DPP6: variants seen among roughly 807,000 people sequenced by gnomAD.
DPP6 encodes dipeptidyl peptidase like 6, also known as A-type potassium channel modulatory protein DPP6.
DPP6 carries 69 observed loss-of-function variants against 122.6 expected under a neutral mutation model. The ratio of observed to expected loss-of-function variants is 0.56; its 90% confidence interval spans 0.46 to 0.69. DPP6 has a LOEUF of 0.69. Ranked by LOEUF, DPP6 falls within the 30% of genes least tolerant of loss-of-function variation. The pLI is 0.00. For synonymous variants in DPP6, 418 were observed against 433.1 expected (o/e 0.97, Z 0.43); for missense variants, 928 against 1,116.9 (o/e 0.83, Z 2.41).
chr7:154,472,645 C>T (rs1822380476), intron 2 of DPP6, among the ~76,000 whole-genome samples: 1 of 152,176 alleles, frequency 6.6e-6, no homozygotes, highest in African/African-American at 2.4e-5. Context: ...TGGCAGTCTC[C>T]TGTGCCTGTC....
At chr7:154,471,742 A>G (rs1339126188) in intron 2 of DPP6, among the ~76,000 whole-genome samples, 4 of 152,180 alleles carry the variant, frequency 2.6e-5, no homozygotes, top group African/African-American at 9.7e-5. Context: ...ACACACATGA[A>G]AACCAAAATC....
chr7:153,774,591 A>G, the DPP6 span, among the ~76,000 whole-genome samples: 2 of 152,196 alleles, frequency 1.3e-5, no homozygotes, highest in Admixed American at 6.5e-5. Context: ...AATTAAATAC[A>G]TTGAAGGAAT....
the DPP6 span, among the ~76,000 whole-genome samples, chr7:153,803,037 T>A: frequency 6.6e-6 from 1 of 151,138 alleles, no homozygotes; most frequent in African/African-American, 2.4e-5. Flanking sequence ...TCCACGTCTG[T>A]GAGAGCATGG....
At position 154,034,099 on chromosome 7, in the gene DPP6, T is replaced by A. The variant is rs1386863711; in HGVS notation, c.51+146365T>A. On this transcript the variant is annotated intron_variant, in intron 1 of 25. Coordinates refer to the DPP6 transcript ENST00000404039. ...CACAGCTGTATCAATTTATGGCTTA[T>A]TAAGTGTAGGGCCAACTAAATAACA... is the stretch of plus-strand genomic sequence containing the variant. Among the ~76,000 whole-genome samples, 3 of 152,228 alleles carry A rather than the reference T, an allele frequency of 2.0e-5. No individual in the cohort carries two copies. In the East Asian group the frequency reaches 5.8e-4, roughly 29 times the overall value.
At chr7:154,462,068 C>T (rs1164698518) in intron 2 of DPP6, among the ~76,000 whole-genome samples, 1 of 152,058 alleles carries the variant, frequency 6.6e-6, no homozygotes, top group Admixed American at 6.6e-5. Flanking sequence ...TAGTTTTATT[C>T]TCCTGCATAT....
At chr7:153,848,297 G>C in the DPP6 span, among the ~76,000 whole-genome samples, 38 of 135,734 alleles carry the variant, frequency 2.8e-4, no homozygotes, top group Admixed American at 1.5e-3. Flanking sequence ...CTCCCCGAGA[G>C]AGCAGTCCTG....
chr7:153,824,385 T>TAAAAAAAAAAAA, the DPP6 span, among the ~76,000 whole-genome samples: 1 of 15,706 alleles, frequency 6.4e-5, no homozygotes, highest in Non-Finnish European at 1.1e-4. Flanking sequence ...AGAGTCTGTC[T>TAAAAAAAAAAAA]CAAAAAAAAA....
intron 1 of DPP6, among the ~76,000 whole-genome samples, chr7:154,096,496 A>G (rs1805330689): frequency 6.8e-6 from 1 of 146,048 alleles, no homozygotes; most frequent in African/African-American, 2.5e-5. Context: ...TAGTGTGCAT[A>G]AGGTGCTATT....
chr7:154,892,322 C>A lies in DPP6; in HGVS notation c.2452-12C>A. Reference sequence around the variant, plus strand: ...TACCTGGGAGAGTAATTTCTCCGTGCCTTCCTTGCAGATTTACCCGGACGA... The same window carrying A: ...TACCTGGGAGAGTAATTTCTCCGTGACTTCCTTGCAGATTTACCCGGACGA... On this transcript the variant is annotated splice_polypyrimidine_tract_variant and intron_variant, in intron 25 of 25. Coordinates refer to ENST00000377770, the MANE Select transcript of DPP6 (RefSeq NM_130797.4). 1.2e-6 allele frequency: 2 copies of A among 1,613,982 alleles called. No individual in the cohort carries two copies. The highest frequency in any genetic ancestry group is 2.2e-5 in the South Asian group (2 of 91,082).
intron 2 of DPP6, among the ~76,000 whole-genome samples, chr7:154,470,609 G>A (rs1257354191): frequency 6.6e-6 from 1 of 152,202 alleles, no homozygotes; most frequent in African/African-American, 2.4e-5. Flanking sequence ...TCTGAGGAAG[G>A]GAAAGGAGGC....
At chr7:154,234,837 G>A (rs537571955) in intron 1 of DPP6, among the ~76,000 whole-genome samples, 60 of 152,246 alleles carry the variant, frequency 3.9e-4, no homozygotes, top group African/African-American at 1.1e-3. Context: ...TGGTTCCTGT[G>A]TGCTGGGCCT....
intron 1 of DPP6, among the ~76,000 whole-genome samples, chr7:153,976,571 A>T (rs1483677042): frequency 1.3e-5 from 2 of 152,238 alleles, no homozygotes; most frequent in Non-Finnish European, 2.9e-5. Context: ...AAGAACTGCA[A>T]CTTCTATTGA....
intron 1 of DPP6, among the ~76,000 whole-genome samples, chr7:154,002,705 G>A (rs915135866): frequency 1.8e-4 from 28 of 152,152 alleles, no homozygotes; most frequent in African/African-American, 6.5e-4. Context: ...AGTCCATGAC[G>A]TCTGTGACAG....
chr7:153,887,948 C>A (rs1222196480), intron 1 of DPP6, among the ~76,000 whole-genome samples: 1 of 152,132 alleles, frequency 6.6e-6, no homozygotes, highest in Non-Finnish European at 1.5e-5. Flanking sequence ...TGCAACTTTG[C>A]GGCTCCGCGG....
At chr7:153,895,339 G>A (rs1799363338) in intron 1 of DPP6, among the ~76,000 whole-genome samples, 1 of 152,134 alleles carries the variant, frequency 6.6e-6, no homozygotes. Flanking sequence ...CAGCTCCCTG[G>A]ACTGCTGTTT....
In DPP6 at chr7:154,875,788, C is replaced by A; in HGVS notation, c.1884-118C>A. 7.2e-7 allele frequency: 1 copy of A among 1,396,886 alleles called. No individual in the cohort carries two copies. The highest frequency in any genetic ancestry group is 9.6e-7 in the Non-Finnish European group (1 of 1,041,842). The allele number at this position is 1,396,886 out of a possible 1,614,324, so 86.5% of individuals were successfully genotyped here. ...ACAGAATCTGGGGTATGGAGTTGAG[C>A]GTGTGGCAGCCGGGTCACGGGTAAA... On this transcript the variant is annotated intron_variant, in intron 19 of 25. Coordinates refer to ENST00000377770, the MANE Select transcript of DPP6 (RefSeq NM_130797.4). The surrounding 1 kb of genome is among the most constrained non-coding windows in gnomAD (Gnocchi z 4.5).
At chr7:154,531,261 G>A (rs959660206) in intron 3 of DPP6, among the ~76,000 whole-genome samples, 6 of 152,110 alleles carry the variant, frequency 3.9e-5, no homozygotes, top group Non-Finnish European at 7.4e-5. Context: ...AAGGCAGCAC[G>A]TAAATCTTAA....
intron 5 of DPP6, among the ~76,000 whole-genome samples, chr7:154,635,681 T>C (rs749619614): frequency 2.6e-5 from 4 of 152,148 alleles, no homozygotes. Flanking sequence ...TCAGGGTCCC[T>C]CATGAGGCCA....
At chr7:154,439,261 C>A (rs1252450602) in intron 1 of DPP6, among the ~76,000 whole-genome samples, 1 of 152,154 alleles carries the variant, frequency 6.6e-6, no homozygotes, top group Non-Finnish European at 1.5e-5. Flanking sequence ...TATGCAAAAA[C>A]AGCCATTATC....
Sources: gnomAD v4.1 joint callset for allele counts (sites outside exome capture counted in the v4.1 genomes callset) on GRCh38, gnomAD v4.1.1 for gene constraint, Gnocchi (gnomAD v3.1) non-coding constraint, MANE v1.5 for transcripts, NCBI Gene and HGNC (gene_info 2026-07-23, HGNC 2026-07-21) for gene names.